The following EGLN3 variants were observed in gnomAD, a reference collection of about 807,000 sequenced individuals.
EGLN3 encodes the protein prolyl hydroxylase EGLN3.
A neutral mutation model predicts 26.0 loss-of-function variants in EGLN3; 15 were observed. The observed-to-expected ratio is 0.58, with a 90% CI of 0.39 to 0.89. The LOEUF is 0.89. Among genes scored for constraint, EGLN3 ranks in the 40% least tolerant of loss-of-function variants. EGLN3 has a pLI of 0.00. For synonymous variants in EGLN3, 147 were observed against 127.2 expected, an observed-to-expected ratio of 1.16 and a Z score of -1.05; for missense variants, 238 against 311.6, an observed-to-expected ratio of 0.76 and a Z score of 1.78.
At chr14:33,932,944 C>T (rs2064414690) in intron 1 of EGLN3, among the ~76,000 whole-genome samples, 1 of 152,170 alleles carries the variant, frequency 6.6e-6, no homozygotes, top group Admixed American at 6.5e-5. Flanking sequence ...AGAGCCACCA[C>T]AGAGCCAATA....
intron 1 of EGLN3, among the ~76,000 whole-genome samples, chr14:33,933,225 T>C (rs576364325): frequency 6.6e-6 from 1 of 151,016 alleles, no homozygotes; most frequent in South Asian, 2.1e-4. Context: ...AGACTTGATC[T>C]AAGCATCAAC....
chr14:33,950,075 C>T (rs2064546237), intron 1 of EGLN3: 1 of 587,350 alleles, frequency 1.7e-6, no homozygotes, highest in Non-Finnish European at 3.0e-6. Flanking sequence ...ATACCCTTTC[C>T]CTCCTTTGGA....
At position 33,934,341 on chromosome 14, in the gene EGLN3, T is replaced by C. The variant is rs552569467; in HGVS notation, c.358-3126A>G. Among the ~76,000 whole-genome samples, 10 of 151,990 alleles carry C rather than the reference T, an allele frequency of 6.6e-5. No homozygotes were observed. In the South Asian group the frequency reaches 2.1e-3, roughly 32 times the overall value. The stretch of plus-strand genomic sequence containing the variant: ...AGACAACAAACGTATATGTATCCTT[T>C]GAAGATATACACAGATATATAGAAC... On this transcript the variant is annotated intron_variant, in intron 1 of 4. Transcript: ENST00000250457.
rs544135217 is a variant in EGLN3, at chr14:33,925,667, C to G, written c.*224G>C. The G allele has an allele frequency of 3.5e-6, 2 of 571,292 alleles. No homozygotes were observed. Among genetic ancestry groups the G allele is most frequent in the Non-Finnish European group, 6.2e-6 (2 of 322,898 alleles). 35.4% of individuals were successfully genotyped at this position (571,292 alleles called of 1,614,324 possible). On this transcript the variant is annotated 3_prime_UTR_variant, in exon 5 of 5. Coordinates refer to ENST00000250457, the MANE Select transcript of EGLN3 (RefSeq NM_022073.4). ...CCGAGTAGGATGTCTGCAGGAATTT[C>G]TGGAGTTAGCAAGTAACTTCATCTG...
At chr14:33,928,895 G>C (rs1769604) in intron 3 of EGLN3, among the ~76,000 whole-genome samples, 181 bp downstream of exon 3, 144,423 of 152,326 alleles carry the variant, frequency 0.95, 68,646 homozygotes, top group Non-Finnish European at 0.98. Context: ...CTGAGGTTAG[G>C]TTTGATATGC....
intron 1 of EGLN3, among the ~76,000 whole-genome samples, chr14:33,939,877 T>C (rs1181952513): frequency 6.6e-6 from 1 of 152,220 alleles, no homozygotes; most frequent in East Asian, 1.9e-4. Context: ...TCAGTTTATC[T>C]AATGTCTGAC....
At chr14:33,950,310 G>T in intron 1 of EGLN3, 86 bp downstream of exon 1, 1 of 1,275,360 alleles carries the variant, frequency 7.8e-7, no homozygotes, top group Non-Finnish European at 1.1e-6. Flanking sequence ...GTTCGCTTAC[G>T]GCCCTGGGAA....
intron 2 of EGLN3, among the ~76,000 whole-genome samples, chr14:33,929,585 C>T (rs776187368): frequency 6.6e-6 from 1 of 152,192 alleles, no homozygotes; most frequent in Non-Finnish European, 1.5e-5. Context: ...CTCCCGACCT[C>T]AGGTGATCCG....
intron 1 of EGLN3, among the ~76,000 whole-genome samples, chr14:33,944,066 G>C (rs1464784875): frequency 2.0e-5 from 3 of 152,016 alleles, no homozygotes; most frequent in Non-Finnish European, 2.9e-5. Context: ...TACTGACCCT[G>C]GTCCCAGTCT....
intron 1 of EGLN3, among the ~76,000 whole-genome samples, chr14:33,936,131 TGAG>T (rs1359836455): frequency 6.6e-6 from 1 of 152,056 alleles, no homozygotes; most frequent in African/African-American, 2.4e-5. Flanking sequence ...CTCAGGAGGC[TGAG>T]GAGGAGAATT....
chr14:33,928,656 TTTC>T (rs2064379125), intron 3 of EGLN3, among the ~76,000 whole-genome samples: 2 of 152,186 alleles, frequency 1.3e-5, no homozygotes. Flanking sequence ...CTCAAGGCTC[TTTC>T]TCTGCTTGCA....
chr14:33,939,237 G>C (rs994745738), intron 1 of EGLN3, among the ~76,000 whole-genome samples: 3 of 151,384 alleles, frequency 2.0e-5, no homozygotes, highest in African/African-American at 7.3e-5. Context: ...TTGAGACGGA[G>C]TCTCGCTCTG....
At position 33,950,681 on chromosome 14, in the gene EGLN3, G is replaced by T. The variant is rs749027727; in HGVS notation, c.72C>A (p.His24Gln). 1.9e-6 allele frequency: 3 copies of T among 1,614,056 alleles called. No homozygotes were observed. The highest frequency in any genetic ancestry group is 1.1e-5 in the South Asian group (1 of 91,084). Reference sequence around the variant, plus strand: ...TGTCCAGGTAGCAGAAGCCCACCTCGTGCAGACAGGGCACGATGTACTCCA... The same window carrying T: ...TGTCCAGGTAGCAGAAGCCCACCTCTTGCAGACAGGGCACGATGTACTCCA... ...IALEYIVPCL[H>Q]EVGFCYLDNF... The change falls in exon 1 of 5, where the codon CAC (histidine) becomes CAA (glutamine). Residue 24 changes from histidine (H) to glutamine (Q), a missense_variant. His to Gln is a conservative substitution (Grantham distance 24). Transcript: ENST00000250457.
At chr14:33,937,069 G>A (rs1251244274) in intron 1 of EGLN3, among the ~76,000 whole-genome samples, 1 of 152,200 alleles carries the variant, frequency 6.6e-6, no homozygotes, top group African/African-American at 2.4e-5. Flanking sequence ...ACAGAACAAT[G>A]TTCACAGGGC....
chr14:33,950,312 C>T (rs752993962), intron 1 of EGLN3, 84 bp downstream of exon 1: 4 of 1,302,910 alleles, frequency 3.1e-6, no homozygotes, highest in Non-Finnish European at 3.3e-6. Flanking sequence ...TCGCTTACGG[C>T]CCTGGGAAGT....
At chr14:33,948,756 G>A (rs545904775) in intron 1 of EGLN3, 1 of 152,216 alleles carries the variant, frequency 6.6e-6, no homozygotes, top group South Asian at 2.1e-4. Flanking sequence ...ACCTCCCTCA[G>A]AGCAAATTCT....
At chr14:33,935,820 G>A (rs934529573) in intron 1 of EGLN3, among the ~76,000 whole-genome samples, 6 of 151,888 alleles carry the variant, frequency 4.0e-5, no homozygotes, top group Admixed American at 1.3e-4. Flanking sequence ...CTGACACCTC[G>A]CTCCATCAAG....
intron 2 of EGLN3, 75 bp from the exon 3 acceptor site, chr14:33,929,287 T>G: frequency 6.4e-7 from 1 of 1,559,208 alleles, no homozygotes; most frequent in Non-Finnish European, 8.7e-7. Context: ...CAGCTCCATT[T>G]AGAAACATGC....
In EGLN3 at chr14:33,950,877, AC is replaced by A; in HGVS notation, c.-126del. ...TTCAGAAACCTGCGGCTGCCACGGT[AC>A]CCGAGCCGCTGCAGCGTCGGGGACA... On this transcript the variant is annotated 5_prime_UTR_variant, in exon 1 of 5. Transcript: ENST00000250457. 1.3e-6 allele frequency: 1 copy of A among 778,912 alleles called. No homozygotes were observed. The highest frequency in any genetic ancestry group is 2.7e-5 in the East Asian group (1 of 37,662). 48.3% of individuals were successfully genotyped at this position (778,912 alleles called of 1,614,324 possible).
Sources: allele counts gnomAD v4.1 joint callset (sites outside exome capture counted in the v4.1 genomes callset), GRCh38; gene constraint gnomAD v4.1.1; transcripts MANE v1.5; gene names NCBI Gene and HGNC (gene_info 2026-07-23, HGNC 2026-07-21).